The following RGPD8 variants were observed in gnomAD, a reference collection of about 807,000 sequenced individuals.
RGPD8 encodes the protein RANBP2 like and GRIP domain containing 8.
Under a neutral mutation model 89.1 loss-of-function variants are expected in RGPD8, and 15 were observed. The observed-to-expected ratio is 0.17, with a 90% CI of 0.11 to 0.26. The LOEUF is 0.26. Among genes scored for constraint, RGPD8 ranks in the 10% least tolerant of loss-of-function variants. The pLI, the probability that RGPD8 is intolerant of heterozygous loss-of-function variation, is 1.00. For synonymous variants in RGPD8, 62 were observed against 420.9 expected, an observed-to-expected ratio of 0.15 and a Z score of 10.44; for missense variants, 178 against 1,179.6, an observed-to-expected ratio of 0.15 and a Z score of 12.44.
At chr2:112,430,163 A>C (rs1404605551) in intron 1 of RGPD8, among the ~76,000 whole-genome samples, 2 of 152,164 alleles carry the variant, frequency 1.3e-5, no homozygotes, top group African/African-American at 4.8e-5. Context: ...GAAAGATATG[A>C]TATACAGACG....
intron 1 of RGPD8, among the ~76,000 whole-genome samples, chr2:112,429,546 CAACT>C (rs943865446): frequency 6.7e-6 from 1 of 149,470 alleles, no homozygotes; most frequent in Non-Finnish European, 1.5e-5. Context: ...GCAGAAAAAA[CAACT>C]AACAGCTGTC....
At chr2:112,432,950 C>T (rs1249704126) in intron 1 of RGPD8, among the ~76,000 whole-genome samples, 49 of 138,822 alleles carry the variant, frequency 3.5e-4, no homozygotes, top group African/African-American at 1.0e-3. Context: ...CCCATCGAGG[C>T]CGCCGCCGGG....
At chr2:112,390,430 A>G (rs1678653064) in intron 19 of RGPD8, among the ~76,000 whole-genome samples, 183 bp from the exon 20 acceptor site, 1 of 138,014 alleles carries the variant, frequency 7.2e-6, no homozygotes, top group African/African-American at 2.7e-5. Flanking sequence ...AGCACTTTAC[A>G]TTATTATCTC....
intron 1 of RGPD8, chr2:112,432,471 G>A (rs1250419670): frequency 3.0e-6 from 3 of 985,038 alleles, no homozygotes; most frequent in African/African-American, 3.5e-5. Flanking sequence ...AAAACAAGGG[G>A]ACTTTCCGTG....
intron 1 of RGPD8, among the ~76,000 whole-genome samples, chr2:112,427,809 C>T (rs1185371842): frequency 5.9e-5 from 9 of 151,850 alleles, no homozygotes; most frequent in Non-Finnish European, 8.8e-5. Flanking sequence ...GGGTGAAGGC[C>T]GTGATTATAC....
In RGPD8 at chr2:112,387,353, TTTTTTG is replaced by T. The variant is rs933703245; in HGVS notation, c.4921+665_4921+670del. Among the ~76,000 whole-genome samples the T allele has an allele frequency of 3.6e-4, 45 of 126,648 alleles. 3 individuals carry two copies. The highest frequency in any genetic ancestry group is 1.3e-3 in the African/African-American group (43 of 33,868). The allele number at this position is 126,648 out of a possible 152,430, so 83.1% of individuals were successfully genotyped here. On this transcript the variant is annotated intron_variant, in intron 20 of 22. Transcript: ENST00000302558. Reference sequence around the variant, plus strand: ...CATCTCAATATCATGTTTTTTTTTGTTTTTTGTTTTTTGTTTTTTTTGGAGACAAAG... The same window carrying T: ...CATCTCAATATCATGTTTTTTTTTGTTTTTTTGTTTTTTTTGGAGACAAAG...
At chr2:112,431,293 T>C (rs957470035) in intron 1 of RGPD8, among the ~76,000 whole-genome samples, 4 of 152,168 alleles carry the variant, frequency 2.6e-5, no homozygotes, top group Admixed American at 6.5e-5. Flanking sequence ...AAGTCTTTAA[T>C]TTCAGGAGTT....
chr2:112,424,883 CACA>C, intron 1 of RGPD8, among the ~76,000 whole-genome samples: 1 of 147,882 alleles, frequency 6.8e-6, no homozygotes, highest in East Asian at 2.0e-4. Flanking sequence ...GCCTGTGCAA[CACA>C]ACAAGATCCT....
intron 1 of RGPD8, among the ~76,000 whole-genome samples, chr2:112,427,988 A>G (rs556452481): frequency 7.2e-5 from 11 of 152,414 alleles, no homozygotes; most frequent in African/African-American, 2.6e-4. Context: ...AAAAAAGGGT[A>G]AGAAATGGTC....
rs766509009 is a variant in RGPD8, at chr2:112,370,144, A to T, written c.*34T>A. On this transcript the variant is annotated 3_prime_UTR_variant, in exon 23 of 23. Transcript: ENST00000302558. ...ATAGAAGTATTCCTTCCATCAACCT[A>T]TCGAAGTCCAAACCAACTACGAAGA... The T allele has an allele frequency of 6.7e-7, 1 of 1,488,992 alleles. No homozygotes were observed. Among genetic ancestry groups the T allele is most frequent in the African/African-American group, 1.5e-5 (1 of 67,378 alleles). 92.2% of individuals were successfully genotyped at this position (1,488,992 alleles called of 1,614,324 possible). A position where few individuals can be genotyped will look rare whatever the true frequency, so the allele number is the denominator to read the frequency against.
At chr2:112,416,088 C>CAAAAAAAAAAA (rs1168507298) in intron 6 of RGPD8, among the ~76,000 whole-genome samples, 24 of 88,892 alleles carry the variant, frequency 2.7e-4, no homozygotes, top group South Asian at 4.5e-4. Context: ...GACTCCATCT[C>CAAAAAAAAAAA]AAAAAAAAAA....
chr2:112,427,656 T>C (rs551312907), intron 1 of RGPD8, among the ~76,000 whole-genome samples: 2,181 of 150,226 alleles, frequency 0.015, 33 homozygotes, highest in African/African-American at 0.047. Flanking sequence ...ATTTCTCTCT[T>C]TTTTTTTTAA....
chr2:112,426,445 G>C (rs1679770977), intron 1 of RGPD8, among the ~76,000 whole-genome samples: 1 of 148,998 alleles, frequency 6.7e-6, no homozygotes, highest in African/African-American at 2.5e-5. Flanking sequence ...CTCATGAAAT[G>C]TTTATTTATA....
intron 22 of RGPD8, among the ~76,000 whole-genome samples, chr2:112,374,864 T>TTC (rs1453989986): frequency 2.2e-5 from 3 of 135,978 alleles, no homozygotes; most frequent in Admixed American, 1.4e-4. Flanking sequence ...CATTCTTTTT[T>TTC]TTTTTTTTTT....
At chr2:112,416,276 C>A (rs1433967209) in intron 6 of RGPD8, among the ~76,000 whole-genome samples, 2 of 152,238 alleles carry the variant, frequency 1.3e-5, no homozygotes, top group Non-Finnish European at 2.9e-5. Flanking sequence ...CTTTTAGATA[C>A]TGCTCTTACC....
intron 1 of RGPD8, among the ~76,000 whole-genome samples, chr2:112,428,118 G>T (rs1276174339): frequency 6.6e-6 from 1 of 152,294 alleles, no homozygotes; most frequent in Non-Finnish European, 1.5e-5. Context: ...CCTAACAACA[G>T]AACTTCTAGA....
chr2:112,424,272 A>G lies in RGPD8; in HGVS notation c.108T>C (p.Tyr36=), dbSNP rs200217302. The part of the protein sequence containing the change: ...SMKGFYFAKL[Y]YEAKEYDLAK... Reference sequence around the variant, plus strand: ...CAAGATCATATTCTTTAGCTTCATAATACAGCTTTGCAAAATAGAATCCTT... The same window carrying G: ...CAAGATCATATTCTTTAGCTTCATAGTACAGCTTTGCAAAATAGAATCCTT... Residue 36 remains tyrosine, a synonymous_variant, in exon 2 of 23, where the codon TAT becomes TAC. Transcript: ENST00000302558. 2.7e-3 allele frequency: 4,348 copies of G among 1,588,538 alleles called. 3 individuals carry two copies. The African/African-American group carries it at 0.04, about 15-fold the overall frequency.
chr2:112,414,445 C>CTA (rs1679303437), intron 6 of RGPD8, among the ~76,000 whole-genome samples: 1 of 108,298 alleles, frequency 9.2e-6, no homozygotes, highest in South Asian at 3.1e-4. Flanking sequence ...CTGTTGCACT[C>CTA]TAGCCTGGGC....
At chr2:112,423,663 C>T (rs1429653232) in intron 2 of RGPD8, among the ~76,000 whole-genome samples, 4 of 145,752 alleles carry the variant, frequency 2.7e-5, no homozygotes, top group Non-Finnish European at 6.0e-5. Flanking sequence ...AAGATGGAGC[C>T]AGCTGCTGCA....
Sources: allele counts gnomAD v4.1 joint callset (sites outside exome capture counted in the v4.1 genomes callset), GRCh38; gene constraint gnomAD v4.1.1; transcripts MANE v1.5; gene names NCBI Gene and HGNC (gene_info 2026-07-23, HGNC 2026-07-21).